WSCD2: variants seen among roughly 807,000 people sequenced by gnomAD.
WSCD2 encodes sialate:O-sulfotransferase 2.
In WSCD2, 28 loss-of-function variants were observed where a neutral mutation model predicts 55.7. That is an observed-to-expected ratio of 0.50 (90% CI 0.37 to 0.69). The LOEUF (loss-of-function observed/expected upper bound fraction) is 0.69. Ranked by LOEUF, WSCD2 falls within the 30% of genes least tolerant of loss-of-function variation. WSCD2 has a pLI of 0.00. For synonymous variants in WSCD2, 301 were observed against 301.9 expected (o/e 1.00, Z 0.03); for missense variants, 616 against 762.1 (o/e 0.81, Z 2.26).
At chr12:108,171,430 G>A (rs940802358) in intron 1 of WSCD2, among the ~76,000 whole-genome samples, 6 of 152,208 alleles carry the variant, frequency 3.9e-5, no homozygotes, top group East Asian at 1.9e-4. Flanking sequence ...GAAATATGGC[G>A]AGACTGCAGT....
rs1465986829 is a variant in WSCD2 at position 108,240,537 on chromosome 12, G to C, written c.1338G>C (p.Lys446Asn). ...HIGFAAHAHW[K>N]GKEWPEFVRN... is the part of the protein sequence containing the mutation. ...GCTTTGCTGCGCATGCCCACTGGAA[G>C]GGCAAAGGTACAGCTCGGGAGAGGA... The change falls in exon 8 of 9, where the codon AAG becomes AAC. Residue 446 changes from lysine (K) to asparagine (N), a missense_variant. Physicochemically the swap from Lys to Asn is moderately conservative, Grantham distance 94. Around this residue, in one of 3 missense-constraint regions of WSCD2, gnomAD observed 234 missense variants for 264.6 expected, o/e 0.88. Coordinates refer to ENST00000547525, the MANE Select transcript of WSCD2 (RefSeq NM_014653.4). 1.9e-6 allele frequency: 3 copies of C among 1,609,602 alleles called. No homozygotes were observed. The Admixed American group carries it at 5.0e-5, about 27-fold the overall frequency.
chr12:108,191,345 A>G (rs1337859040), intron 1 of WSCD2, among the ~76,000 whole-genome samples: 2 of 152,240 alleles, frequency 1.3e-5, no homozygotes, highest in African/African-American at 4.8e-5. Context: ...GAAAGGGACA[A>G]TGACAGACTA....
chr12:108,232,787 T>A lies in WSCD2; in HGVS notation c.1036T>A (p.Leu346Met). 6.2e-7 allele frequency: 1 copy of A among 1,614,020 alleles called. No individual in the cohort carries two copies. Residue 346 changes from leucine to methionine, a missense_variant, in exon 7 of 9, where the codon TTG becomes ATG. By Grantham distance (15) the Leu-to-Met change is conservative. Transcript: ENST00000547525. ...AGGCAAGTCCAAGCAGCTCATTGCT[T>A]TGGCCAGCTTCCCAGGTGCTGGCAA... Reference protein sequence around the residue: ...LPGKSKQLIALASFPGAGNTW... With the variant: ...LPGKSKQLIAMASFPGAGNTW...
chr12:108,164,561 T>C (rs749249703), intron 1 of WSCD2, among the ~76,000 whole-genome samples: 19 of 152,198 alleles, frequency 1.2e-4, no homozygotes, highest in Non-Finnish European at 1.9e-4. Flanking sequence ...TTTGGGACCC[T>C]AATGAACAGA....
In WSCD2 at chr12:108,210,743, G is replaced by C. The variant is rs1035578328; in HGVS notation, c.682+438G>C. The stretch of plus-strand genomic sequence containing the variant: ...ATCTTCACAATGACCCTTGACATAG[G>C]TACTATTATTTACTTATTCCCATTT... On this transcript the variant is annotated intron_variant, in intron 4 of 8. Coordinates refer to ENST00000547525, the MANE Select transcript of WSCD2 (RefSeq NM_014653.4). The surrounding 1 kb of genome is among the most constrained non-coding windows in gnomAD (Gnocchi z 4.3). 6.6e-6 allele frequency among the ~76,000 whole-genome samples: 1 copy of C among 152,096 alleles called. No homozygotes were observed. The highest frequency in any genetic ancestry group is 6.5e-5 in the Admixed American group (1 of 15,274).
intron 1 of WSCD2, among the ~76,000 whole-genome samples, chr12:108,184,722 G>A (rs1565943270): frequency 1.3e-5 from 2 of 152,164 alleles, no homozygotes; most frequent in Non-Finnish European, 2.9e-5. Context: ...GGATTCTATG[G>A]TATCATAATC....
chr12:108,184,017 C>T (rs1882138029), intron 1 of WSCD2, among the ~76,000 whole-genome samples: 1 of 152,198 alleles, frequency 6.6e-6, no homozygotes. Flanking sequence ...TTTCTTCTTT[C>T]TCAGGAGGGT....
intron 7 of WSCD2, among the ~76,000 whole-genome samples, chr12:108,237,240 G>A (rs1470625586): frequency 2.0e-5 from 3 of 152,054 alleles, no homozygotes; most frequent in Non-Finnish European, 2.9e-5. Context: ...AAAAATGCAC[G>A]AGCAACTATA....
chr12:108,249,117 A>AAT lies in WSCD2; in HGVS notation c.*774_*775insAT, dbSNP rs879593041. The AAT allele has an allele frequency of 0.057, 9,703 of 169,238 alleles. 387 individuals carry two copies. The highest frequency in any genetic ancestry group is 0.11 in the African/African-American group (4,788 of 41,794). The allele number at this position is 169,238 out of a possible 1,614,324, so 10.5% of individuals were successfully genotyped here. ...CCTGATACCACCTTCAAGGAACCTC[A>AAT]GGCACCAACAGTGAGCCCACGAGGA... On this transcript the variant is annotated 3_prime_UTR_variant, in exon 9 of 9. Transcript: ENST00000547525.
At chr12:108,243,228 G>T (rs954861031) in intron 8 of WSCD2, among the ~76,000 whole-genome samples, 7 of 152,166 alleles carry the variant, frequency 4.6e-5, no homozygotes, top group Non-Finnish European at 8.8e-5. Flanking sequence ...TGTGTGTGTG[G>T]TTTTTTGTTT....
At chr12:108,212,893 C>T (rs905224663) in intron 4 of WSCD2, among the ~76,000 whole-genome samples, 4 of 152,080 alleles carry the variant, frequency 2.6e-5, no homozygotes, top group African/African-American at 2.4e-5. Context: ...ACCGTTGTTC[C>T]GAATCATCGC....
intron 1 of WSCD2, among the ~76,000 whole-genome samples, chr12:108,145,596 G>GCTAA (rs1159546425): frequency 6.6e-6 from 1 of 152,184 alleles, no homozygotes; most frequent in Non-Finnish European, 1.5e-5. Flanking sequence ...TATTTATTTA[G>GCTAA]GCAGCACAAT....
At chr12:108,212,624 CACACACACACATTCAG>C (rs1343305187) in intron 4 of WSCD2, among the ~76,000 whole-genome samples, 1 of 150,928 alleles carries the variant, frequency 6.6e-6, no homozygotes, top group Non-Finnish European at 1.5e-5. Context: ...CACACACACA[CACACACACACATTCAG>C]ACACACACAC....
At chr12:108,196,435 G>C in intron 2 of WSCD2, 1 of 650,342 alleles carries the variant, frequency 1.5e-6, no homozygotes. Context: ...CTTGTCAAGA[G>C]GCAAGTTTGG....
At position 108,248,985 on chromosome 12, in the gene WSCD2, C is replaced by T; in HGVS notation, c.*642C>T. ...TGTGGGGCCATTGGTGTTATGAGCCCCCCAGGCCACACTGCTTCTCAGAAA... is the reference window on the plus strand; with the variant it reads ...TGTGGGGCCATTGGTGTTATGAGCCTCCCAGGCCACACTGCTTCTCAGAAA... On this transcript the variant is annotated 3_prime_UTR_variant, in exon 9 of 9. Transcript: ENST00000547525. This position sits in a 1 kb window ranked among gnomAD's most constrained non-coding sequence, Gnocchi z 4.3. 2.2e-6 allele frequency: 2 copies of T among 901,286 alleles called. No individual in the cohort carries two copies. The highest frequency in any genetic ancestry group is 1.2e-4 in the East Asian group (1 of 8,394). 55.8% of individuals were successfully genotyped at this position (901,286 alleles called of 1,614,324 possible).
At chr12:108,225,106 G>T (rs1887937128) in intron 5 of WSCD2, among the ~76,000 whole-genome samples, 4 of 152,206 alleles carry the variant, frequency 2.6e-5, no homozygotes, top group Admixed American at 1.3e-4. Context: ...AGGAATGAGG[G>T]TTATTAGTCC....
intron 1 of WSCD2, among the ~76,000 whole-genome samples, chr12:108,130,477 T>TGG (rs1480054625): frequency 1.9e-4 from 4 of 21,334 alleles, no homozygotes; most frequent in East Asian, 1.1e-3. Context: ...CATTCTGGGG[T>TGG]GTGTGTGTGT....
chr12:108,167,004 G>T (rs559782337), intron 1 of WSCD2, among the ~76,000 whole-genome samples: 1 of 151,746 alleles, frequency 6.6e-6, no homozygotes, highest in East Asian at 1.9e-4. Flanking sequence ...TAGAGGCAGG[G>T]TTTCACAATG....
chr12:108,166,761 T>TTTCTTTCTTTTTC (rs10680980), intron 1 of WSCD2, among the ~76,000 whole-genome samples: 3 of 124,820 alleles, frequency 2.4e-5, no homozygotes, highest in East Asian at 4.6e-4. Flanking sequence ...TCTTTCTTTC[T>TTTCTTTCTTTTTC]TTTCTTTCTT....
Sources: allele counts gnomAD v4.1 joint callset (sites outside exome capture counted in the v4.1 genomes callset), GRCh38; gene constraint gnomAD v4.1.1; regional missense constraint gnomAD v4.1.1; non-coding constraint Gnocchi (gnomAD v3.1); transcripts MANE v1.5; gene names NCBI Gene and HGNC (gene_info 2026-07-23, HGNC 2026-07-21).